Variants in PBX1 observed in about 807,000 individuals in gnomAD.
PBX1 encodes the protein pre-B-cell leukemia transcription factor 1.
Under a neutral mutation model 53.4 loss-of-function variants are expected in PBX1, and 6 were observed. The ratio of observed to expected loss-of-function variants is 0.11; its 90% CI spans 0.06 to 0.22. The LOEUF is 0.22. PBX1 is among the 10% of genes least tolerant of loss of function. PBX1 has a pLI of 1.00. For synonymous variants in PBX1, 204 were observed against 212.3 expected (o/e 0.96, Z 0.34); for missense variants, 251 against 551.4 (o/e 0.46, Z 5.46).
chr1:164,636,763 G>A (rs1251910210), intron 2 of PBX1, among the ~76,000 whole-genome samples: 1 of 152,130 alleles, frequency 6.6e-6, no homozygotes, highest in Non-Finnish European at 1.5e-5. Context: ...GAAGGCCTGA[G>A]TTTTTTTATA....
At chr1:164,797,180 A>C (rs1425782288) in intron 3 of PBX1, among the ~76,000 whole-genome samples, 1 of 152,186 alleles carries the variant, frequency 6.6e-6, no homozygotes, top group Admixed American at 6.5e-5. Context: ...CTGAATAAAC[A>C]TCAGATATTG....
At chr1:164,819,971 G>C (rs577379858) in intron 6 of PBX1, 101 bp from the exon 7 acceptor site, 18 of 681,702 alleles carry the variant, frequency 2.6e-5, no homozygotes, top group African/African-American at 5.4e-5. Context: ...TTTTTATTTG[G>C]GGGGGGTTGC....
At chr1:164,664,111 T>C (rs1354624815) in intron 2 of PBX1, among the ~76,000 whole-genome samples, 1 of 152,232 alleles carries the variant, frequency 6.6e-6, no homozygotes, top group Non-Finnish European at 1.5e-5. Flanking sequence ...GAAGTGTCTG[T>C]CTGTTCAAGA....
chr1:164,581,130 G>A (rs1341644643), intron 2 of PBX1, among the ~76,000 whole-genome samples: 1 of 152,074 alleles, frequency 6.6e-6, no homozygotes, highest in Non-Finnish European at 1.5e-5. Flanking sequence ...TCTACGTGGT[G>A]CGGATGGATG....
intron 2 of PBX1, among the ~76,000 whole-genome samples, chr1:164,606,324 T>C (rs1289445387): frequency 1.3e-5 from 2 of 152,106 alleles, no homozygotes; most frequent in African/African-American, 4.8e-5. Flanking sequence ...ACCCCATCTG[T>C]ATTAAAAGTA....
intron 8 of PBX1, among the ~76,000 whole-genome samples, chr1:164,841,173 C>T (rs1307076384): frequency 6.6e-6 from 1 of 152,066 alleles, no homozygotes; most frequent in African/African-American, 2.4e-5. Flanking sequence ...GAGGAAGAAA[C>T]AAAAAGCATG....
intron 2 of PBX1, among the ~76,000 whole-genome samples, chr1:164,593,230 T>A (rs1655529824): frequency 6.6e-6 from 1 of 152,198 alleles, no homozygotes; most frequent in South Asian, 2.1e-4. Context: ...AGTGCGGGAA[T>A]AACAGGCATG....
At chr1:164,750,240 A>T (rs1283879652) in intron 2 of PBX1, among the ~76,000 whole-genome samples, 1 of 150,760 alleles carries the variant, frequency 6.6e-6, no homozygotes, top group Non-Finnish European at 1.5e-5. Context: ...GGCCTTTCTT[A>T]CTAAAATGCA....
At chr1:164,709,676 A>G (rs1686176) in intron 2 of PBX1, among the ~76,000 whole-genome samples, 149,913 of 152,276 alleles carry the variant, frequency 0.98, 73,841 homozygotes, top group Middle Eastern at 1. Flanking sequence ...TTTGTTGGGA[A>G]AGTGGAAGAG....
chr1:164,865,655 C>A (rs1303073536), intron 2 of PBX1, among the ~76,000 whole-genome samples: 2 of 152,162 alleles, frequency 1.3e-5, no homozygotes. Context: ...CCAAAAGGTA[C>A]AAAGATACAA....
intron 2 of PBX1, among the ~76,000 whole-genome samples, chr1:164,721,787 A>G (rs1234317554): frequency 1.3e-5 from 2 of 152,174 alleles, no homozygotes; most frequent in Non-Finnish European, 2.9e-5. Flanking sequence ...AAGGATTAGC[A>G]GGGTGCCTAT....
In PBX1 at chr1:164,850,130, G is replaced by C; in HGVS notation, c.*3454G>C. The stretch of plus-strand genomic sequence containing the variant: ...ACCCTCATAGCACGCAAAACAGGAT[G>C]GGGAATTTCCCCTCTTCTTTCTGTG... On this transcript the variant is annotated 3_prime_UTR_variant, in exon 9 of 9. Transcript: ENST00000420696. The C allele has an allele frequency of 4.4e-6, 1 of 227,932 alleles. No individual in the cohort carries two copies. Among genetic ancestry groups the C allele is most frequent in the Middle Eastern group, 1.3e-3 (1 of 756 alleles). 14.1% of individuals were successfully genotyped at this position (227,932 alleles called of 1,614,324 possible).
chr1:164,701,778 A>C (rs1663135990), intron 2 of PBX1, among the ~76,000 whole-genome samples: 1 of 152,028 alleles, frequency 6.6e-6, no homozygotes, highest in Non-Finnish European at 1.5e-5. Context: ...GTATTTTTTG[A>C]CCGAGCTCTG....
chr1:164,691,067 T>C (rs1004963969), intron 2 of PBX1, among the ~76,000 whole-genome samples: 3 of 139,964 alleles, frequency 2.1e-5, no homozygotes, highest in Non-Finnish European at 3.0e-5. Flanking sequence ...CAGGCTGGAG[T>C]GCAGTGGTGC....
Position 164,738,206 on chromosome 1 carries a change from G to C in PBX1, c.266-54288G>C, listed in dbSNP as rs186028835. On this transcript the variant is annotated intron_variant, in intron 2 of 8. Coordinates refer to ENST00000420696, the MANE Select transcript of PBX1 (RefSeq NM_002585.4). ...TGGGGTTCTTAAGAATAAAGCTACT[G>C]TGAACATTTGTGTGCAAATCTGTGT... Among the ~76,000 whole-genome samples, 106 of 152,286 alleles carry C rather than the reference G, an allele frequency of 7.0e-4. 2 individuals carry two copies. Among genetic ancestry groups the C allele is most frequent in the Admixed American group, 6.9e-3 (105 of 15,298 alleles).
At chr1:164,656,450 G>C (rs1236588730) in intron 2 of PBX1, among the ~76,000 whole-genome samples, 2 of 152,120 alleles carry the variant, frequency 1.3e-5, no homozygotes, top group African/African-American at 4.8e-5. Flanking sequence ...ATATTTTGAA[G>C]TCAGAAAAGA....
chr1:164,792,702 A>G lies in PBX1; in HGVS notation c.474A>G (p.Arg158=). 1 of 1,613,462 alleles carries G rather than the reference A, an allele frequency of 6.2e-7. No individual in the cohort carries two copies. Among genetic ancestry groups the G allele is most frequent in the Non-Finnish European group, 8.5e-7 (1 of 1,179,570 alleles). ...SDYRAKLSQI[R]QIYHTELEKY... ...ACAGAGCCAAACTCTCACAGATCAG[A>G]CAAATCTACCATACGGAGCTGGAGA... The change falls in exon 3 of 9, where the codon AGA becomes AGG. Residue 158 remains arginine, a synonymous_variant. Transcript: ENST00000420696.
chr1:164,629,325 T>C (rs1472144601), intron 2 of PBX1, among the ~76,000 whole-genome samples: 1 of 151,906 alleles, frequency 6.6e-6, no homozygotes, highest in African/African-American at 2.4e-5. Flanking sequence ...ATGGAAAGAG[T>C]GAGGGCAGCT....
intron 2 of PBX1, chr1:164,590,314 C>G (rs749519609): frequency 2.2e-6 from 1 of 455,548 alleles, no homozygotes; most frequent in South Asian, 1.5e-5. Flanking sequence ...CTTGATTGTC[C>G]CAGCCTCATT....
Sources: allele counts gnomAD v4.1 joint callset (sites outside exome capture counted in the v4.1 genomes callset), GRCh38; gene constraint gnomAD v4.1.1; transcripts MANE v1.5; gene names NCBI Gene and HGNC (gene_info 2026-07-23, HGNC 2026-07-21).